AMZ2: variants seen among roughly 807,000 people sequenced by gnomAD.
AMZ2 encodes the protein archaemetzincin-2.
Under a neutral mutation model 36.7 loss-of-function variants are expected in AMZ2, and 26 were observed. The ratio of observed to expected loss-of-function variants is 0.71; its 90% CI spans 0.52 to 0.98. AMZ2 has a LOEUF of 0.98. Ranked by LOEUF, AMZ2 falls within the 50% of genes least tolerant of loss-of-function variation. The pLI is 0.00. For synonymous variants in AMZ2, 144 were observed against 149.1 expected (o/e 0.97, Z 0.25); for missense variants, 394 against 430.5 (o/e 0.92, Z 0.75).
chr17:68,247,901 C>T (rs528866276), upstream of AMZ2: 7 of 985,618 alleles, frequency 7.1e-6, no homozygotes, highest in South Asian at 2.8e-4. Flanking sequence ...TGAACTCCAG[C>T]TCTGCGCCTG....
chr17:68,233,508 C>CAAAAAA (rs35601824), intron 1 of AMZ2, among the ~76,000 whole-genome samples: 1 of 78,482 alleles, frequency 1.3e-5, no homozygotes, highest in South Asian at 4.6e-4. Flanking sequence ...AACTATGTCT[C>CAAAAAA]AAAAAAAAAA....
Position 68,254,579 on chromosome 17 carries a change from C to G in AMZ2, c.750+12C>G. 6.3e-7 allele frequency: 1 copy of G among 1,599,688 alleles called. No individual in the cohort carries two copies. Among genetic ancestry groups the G allele is most frequent in the Non-Finnish European group, 8.5e-7 (1 of 1,170,326 alleles). ...TTCGATCCTGTAAGGTAAGTTATTACAAAAATCTGACAGGACAGTTCTTTA... is the reference window on the plus strand; with the variant it reads ...TTCGATCCTGTAAGGTAAGTTATTAGAAAAATCTGACAGGACAGTTCTTTA... On this transcript the variant is annotated intron_variant, in intron 5 of 6. Coordinates refer to ENST00000359904, the MANE Select transcript of AMZ2 (RefSeq NM_016627.5).
intron 1 of AMZ2, among the ~76,000 whole-genome samples, chr17:68,226,209 C>G (rs1198086002): frequency 6.6e-6 from 1 of 152,096 alleles, no homozygotes; most frequent in Non-Finnish European, 1.5e-5. Context: ...GGAGTCAAAA[C>G]TGCAGGAATC....
At chr17:68,223,983 G>C (rs12944120) in intron 1 of AMZ2, among the ~76,000 whole-genome samples, 49,495 of 151,554 alleles carry the variant, frequency 0.33, 8,585 homozygotes, top group African/African-American at 0.45. Context: ...TCTGCCTCCC[G>C]GGTTCACGCC....
chr17:68,238,625 G>A (rs565262549), intron 1 of AMZ2, among the ~76,000 whole-genome samples: 11 of 151,308 alleles, frequency 7.3e-5, no homozygotes, highest in African/African-American at 2.7e-4. Flanking sequence ...GTAGCTTTTG[G>A]AAACTCTCTG....
At chr17:68,231,835 G>C (rs1380483625) in intron 1 of AMZ2, among the ~76,000 whole-genome samples, 1 of 151,994 alleles carries the variant, frequency 6.6e-6, no homozygotes, top group Non-Finnish European at 1.5e-5. Flanking sequence ...AAAAATACAG[G>C]GTGCTTAGTT....
intron 1 of AMZ2, among the ~76,000 whole-genome samples, chr17:68,222,945 G>A (rs1234510258): frequency 6.6e-6 from 1 of 151,994 alleles, no homozygotes; most frequent in African/African-American, 2.4e-5. Flanking sequence ...CTAGAGTCAG[G>A]AGAGAAGTGG....
chr17:68,237,575 G>A (rs1156625903), intron 1 of AMZ2, among the ~76,000 whole-genome samples: 3 of 152,224 alleles, frequency 2.0e-5, no homozygotes, highest in African/African-American at 7.2e-5. Flanking sequence ...CAGGTGTTCA[G>A]TGGGGAGTTG....
At position 68,254,423 on chromosome 17, in the gene AMZ2, T is replaced by G. The variant is rs782534367; in HGVS notation, c.606T>G (p.Phe202Leu). 1.9e-6 allele frequency: 3 copies of G among 1,612,628 alleles called. No homozygotes were observed. The South Asian group carries it at 3.3e-5, about 18-fold the overall frequency. ...SLTDGVGIFS[F>L]ARYGSDFYSM... ...TTGTAGGTGTGGGGATATTCAGCTTTGCCAGGTATGGCAGTGATTTTTATA... is the reference window on the plus strand; with the variant it reads ...TTGTAGGTGTGGGGATATTCAGCTTGGCCAGGTATGGCAGTGATTTTTATA... Residue 202 changes from phenylalanine to leucine, a missense_variant, in exon 5 of 7, where the codon TTT becomes TTG. Phe to Leu is a conservative substitution (Grantham distance 22, BLOSUM62 0). Transcript: ENST00000359904.
At position 68,248,448 on chromosome 17, in the gene AMZ2, C is replaced by T. The variant is rs1320460747; in HGVS notation, c.-258C>T. 16 of 986,086 alleles carry T rather than the reference C, an allele frequency of 1.6e-5. No individual in the cohort carries two copies. The highest frequency in any genetic ancestry group is 1.9e-5 in the Non-Finnish European group (16 of 830,210). 61.1% of individuals were successfully genotyped at this position (986,086 alleles called of 1,614,324 possible). A position where few individuals can be genotyped will look rare whatever the true frequency, so the allele number is the denominator to read the frequency against. The stretch of plus-strand genomic sequence containing the variant: ...GGTGGCCAGCTCCTTCCCGTTTGCC[C>T]GTGATGTTCTGGTTTTGGGACCAAA... On this transcript the variant is annotated 5_prime_UTR_variant, in exon 1 of 7. Coordinates refer to ENST00000359904, the MANE Select transcript of AMZ2 (RefSeq NM_016627.5).
At chr17:68,226,615 C>T (rs1284083763) in intron 1 of AMZ2, among the ~76,000 whole-genome samples, 7 of 152,176 alleles carry the variant, frequency 4.6e-5, no homozygotes, top group African/African-American at 1.7e-4. Flanking sequence ...TTAGGTGGCA[C>T]CCAGTCTGGC....
chr17:68,220,432 C>T (rs1211983050), intron 1 of AMZ2, among the ~76,000 whole-genome samples: 2 of 151,836 alleles, frequency 1.3e-5, no homozygotes, highest in African/African-American at 4.9e-5. Context: ...TCCCGGAAGT[C>T]AGAGATCACT....
chr17:68,234,792 A>G (rs2073748408), intron 1 of AMZ2, among the ~76,000 whole-genome samples: 1 of 151,884 alleles, frequency 6.6e-6, no homozygotes, highest in Non-Finnish European at 1.5e-5. Context: ...AAAAAGAAAA[A>G]AAAAAAAAAG....
upstream of AMZ2, among the ~76,000 whole-genome samples, chr17:68,245,889 A>G (rs1284928576): frequency 1.3e-5 from 2 of 152,168 alleles, no homozygotes; most frequent in Admixed American, 6.5e-5. Context: ...ATGAGGCAGG[A>G]TGAGGCTATA....
chr17:68,249,276 G>A (rs542408310), intron 1 of AMZ2: 21 of 263,390 alleles, frequency 8.0e-5, no homozygotes, highest in African/African-American at 4.2e-4. Context: ...CATTAGAAAC[G>A]ATGAGTATTT....
At chr17:68,227,956 G>T (rs1461155716) in intron 1 of AMZ2, among the ~76,000 whole-genome samples, 2 of 152,120 alleles carry the variant, frequency 1.3e-5, no homozygotes, top group African/African-American at 4.8e-5. Context: ...CACAGGTTCT[G>T]GGGATCAGGG....
At chr17:68,233,897 A>G (rs1243113890) in intron 1 of AMZ2, among the ~76,000 whole-genome samples, 1 of 151,942 alleles carries the variant, frequency 6.6e-6, no homozygotes, top group African/African-American at 2.4e-5. Context: ...AAGCTGATCC[A>G]TTCTTGCTGT....
intron 1 of AMZ2, among the ~76,000 whole-genome samples, chr17:68,207,941 C>T (rs1486162571): frequency 7.4e-6 from 1 of 135,876 alleles, no homozygotes; most frequent in Admixed American, 7.1e-5. Context: ...TCGGTGGGCA[C>T]GCACTTGGAG....
intron 1 of AMZ2, among the ~76,000 whole-genome samples, chr17:68,217,134 A>G (rs1319613595): frequency 6.6e-6 from 1 of 152,180 alleles, no homozygotes; most frequent in Non-Finnish European, 1.5e-5. Flanking sequence ...CTGATATATC[A>G]GTATCAATAT....
Sources: allele counts gnomAD v4.1 joint callset (sites outside exome capture counted in the v4.1 genomes callset), GRCh38; gene constraint gnomAD v4.1.1; transcripts MANE v1.5; gene names NCBI Gene and HGNC (gene_info 2026-07-23, HGNC 2026-07-21).